Variants in CADPS2 observed in about 807,000 individuals in gnomAD.
The protein encoded by CADPS2 is calcium-dependent secretion activator 2.
CADPS2 carries 93 observed loss-of-function variants against 172.5 expected under a neutral mutation model. The observed-to-expected ratio is 0.54, with a 90% CI of 0.46 to 0.64. The LOEUF (loss-of-function observed/expected upper bound fraction) is 0.64, where lower values mean the gene tolerates loss of function less well. Ranked by LOEUF, CADPS2 falls within the 30% of genes least tolerant of loss-of-function variation. The probability of loss-of-function intolerance (pLI) is 0.00; values close to 1 mark genes in which losing one functional copy is unlikely to be tolerated. For missense variants in CADPS2, 1,420 were observed against 1,565.9 expected (o/e 0.91, Z 1.57); for synonymous variants, 546 against 555.2 (o/e 0.98, Z 0.23).
rs775174535 is a variant in CADPS2 at position 122,451,356 on chromosome 7, T to C, written c.2288+18A>G. The stretch of plus-strand genomic sequence containing the variant: ...AAAGTATGAAAAGAAATATTTATAT[T>C]AATAAAAAAATATATACCTGAAATG... On this transcript the variant is annotated intron_variant, in intron 15 of 29. Coordinates refer to ENST00000449022, the MANE Select transcript of CADPS2 (RefSeq NM_017954.11). 3 of 1,264,634 alleles carry C rather than the reference T, an allele frequency of 2.4e-6. No homozygotes were observed. Among genetic ancestry groups the C allele is most frequent in the South Asian group, 3.4e-5 (2 of 58,048 alleles). The allele number at this position is 1,264,634 out of a possible 1,614,324, so 78.3% of individuals were successfully genotyped here. A position where few individuals can be genotyped will look rare whatever the true frequency, so the allele number is the denominator to read the frequency against.
At chr7:122,656,277 G>A (rs1030016033) in intron 3 of CADPS2, among the ~76,000 whole-genome samples, 1 of 152,034 alleles carries the variant, frequency 6.6e-6, no homozygotes, top group African/African-American at 2.4e-5. Flanking sequence ...GCAGAAAAAA[G>A]GGGGAGAAAG....
intron 1 of CADPS2, among the ~76,000 whole-genome samples, chr7:122,822,848 T>TTACC (rs1191325737): frequency 6.6e-6 from 1 of 151,190 alleles, no homozygotes; most frequent in African/African-American, 2.4e-5. Flanking sequence ...TAATTTTCCT[T>TTACC]TACCTACCCA....
At chr7:122,534,403 AG>A (rs887716643) in intron 8 of CADPS2, among the ~76,000 whole-genome samples, 51 of 152,236 alleles carry the variant, frequency 3.4e-4, no homozygotes, top group African/African-American at 9.6e-4. Flanking sequence ...AACTACACAG[AG>A]GAGAGCAAAT....
intron 29 of CADPS2, among the ~76,000 whole-genome samples, chr7:122,320,777 GGAA>G (rs763383831): frequency 1.8e-4 from 27 of 152,156 alleles, no homozygotes; most frequent in African/African-American, 5.1e-4. Context: ...GTTGTGTGGA[GGAA>G]GAAGATTAAT....
At chr7:122,825,181 T>C (rs1157131057) in intron 1 of CADPS2, among the ~76,000 whole-genome samples, 4 of 152,166 alleles carry the variant, frequency 2.6e-5, no homozygotes, top group African/African-American at 9.6e-5. Flanking sequence ...GTCTCCACAA[T>C]TAAAAATTGT....
At chr7:122,429,974 G>C (rs2049670776) in intron 17 of CADPS2, among the ~76,000 whole-genome samples, 2 of 151,802 alleles carry the variant, frequency 1.3e-5, no homozygotes, top group South Asian at 4.2e-4. Context: ...GTACAATGGA[G>C]TGTTAAATTA....
At chr7:122,406,836 A>T (rs1273211000) in intron 20 of CADPS2, among the ~76,000 whole-genome samples, 1 of 152,148 alleles carries the variant, frequency 6.6e-6, no homozygotes, top group Non-Finnish European at 1.5e-5. Flanking sequence ...GTGCTGAAAC[A>T]AAGGTTGTCA....
intron 19 of CADPS2, among the ~76,000 whole-genome samples, chr7:122,412,004 T>C (rs1038729858): frequency 6.6e-6 from 1 of 152,204 alleles, no homozygotes; most frequent in African/African-American, 2.4e-5. Context: ...TATAAATCAG[T>C]AAATAATGAA....
intron 17 of CADPS2, among the ~76,000 whole-genome samples, chr7:122,420,507 G>A (rs1269998445): frequency 6.6e-6 from 1 of 152,126 alleles, no homozygotes; most frequent in Non-Finnish European, 1.5e-5. Context: ...TCACCCATTT[G>A]GCTAAGGCCA....
At chr7:122,727,330 C>T (rs565252641) in intron 2 of CADPS2, among the ~76,000 whole-genome samples, 107 of 151,936 alleles carry the variant, frequency 7.0e-4, no homozygotes, top group Admixed American at 2.2e-3. Context: ...AAATGCTACA[C>T]TGAAGTAAAT....
intron 6 of CADPS2, among the ~76,000 whole-genome samples, chr7:122,581,715 TGA>T (rs1238200692): frequency 1.3e-5 from 2 of 152,154 alleles, no homozygotes; most frequent in Admixed American, 6.6e-5. Context: ...TTACCCCACC[TGA>T]GAGGTCTTTA....
chr7:122,450,666 G>A (rs12112951), intron 15 of CADPS2, among the ~76,000 whole-genome samples: 2 of 151,616 alleles, frequency 1.3e-5, no homozygotes, highest in East Asian at 3.9e-4. Flanking sequence ...GAGCAGCTGA[G>A]ACTACAGACA....
chr7:122,484,828 G>C (rs1336160453), intron 11 of CADPS2, among the ~76,000 whole-genome samples: 3 of 152,032 alleles, frequency 2.0e-5, no homozygotes, highest in Non-Finnish European at 4.4e-5. Context: ...TTCATAAATT[G>C]AAAGTTCGTG....
intron 20 of CADPS2, among the ~76,000 whole-genome samples, chr7:122,401,478 G>T (rs573890566): frequency 1.3e-5 from 2 of 152,126 alleles, no homozygotes; most frequent in Non-Finnish European, 1.5e-5. Context: ...TTTGCAGATG[G>T]CTTTCATTTG....
At chr7:122,718,427 G>GAGGCTT (rs1354697211) in intron 2 of CADPS2, among the ~76,000 whole-genome samples, 1 of 152,036 alleles carries the variant, frequency 6.6e-6, no homozygotes, top group Non-Finnish European at 1.5e-5. Context: ...GAAAGATGGG[G>GAGGCTT]AGGCTTAGGG....
At position 122,428,880 on chromosome 7, in the gene CADPS2, A is replaced by G. The variant is rs187370079; in HGVS notation, c.2476+9461T>C. ...CTCAAGGAAAAGCATTTGTGTGACT[A>G]TCTGCATCCAGGGCCTCTCTCCTCC... On this transcript the variant is annotated intron_variant, in intron 17 of 29. Transcript: ENST00000449022. Among the ~76,000 whole-genome samples the G allele has an allele frequency of 2.6e-5, 4 of 152,302 alleles. No individual in the cohort carries two copies. In the East Asian group the frequency reaches 7.7e-4, roughly 29 times the overall value.
intron 3 of CADPS2, among the ~76,000 whole-genome samples, chr7:122,640,037 A>G (rs916377349): frequency 1.3e-5 from 2 of 152,210 alleles, no homozygotes; most frequent in East Asian, 3.9e-4. Flanking sequence ...CCAGAATAGA[A>G]TCTCAATTTT....
intron 2 of CADPS2, among the ~76,000 whole-genome samples, chr7:122,725,757 G>GCATCCTAGGA (rs1268521829): frequency 6.6e-6 from 1 of 151,702 alleles, no homozygotes; most frequent in African/African-American, 2.4e-5. Context: ...TCACGTCACT[G>GCATCCTAGGA]TACTCCAGCC....
chr7:122,595,362 C>CT (rs1287511875), intron 6 of CADPS2, among the ~76,000 whole-genome samples: 1 of 152,014 alleles, frequency 6.6e-6, no homozygotes, highest in East Asian at 1.9e-4. Context: ...TAATTGATGT[C>CT]TAATTCGATG....
Sources: gnomAD v4.1 joint callset for allele counts (sites outside exome capture counted in the v4.1 genomes callset) on GRCh38, gnomAD v4.1.1 for gene constraint, MANE v1.5 for transcripts, NCBI Gene and HGNC (gene_info 2026-07-23, HGNC 2026-07-21) for gene names.